Variants in TENM3 observed in about 807,000 individuals in gnomAD.
The protein encoded by TENM3 is teneurin transmembrane protein 3.
A neutral mutation model predicts 255.1 loss-of-function variants in TENM3; 63 were observed. That is an observed-to-expected ratio of 0.25 (90% CI 0.20 to 0.30). TENM3 has a LOEUF of 0.30. Among genes scored for constraint, TENM3 ranks in the 10% least tolerant of loss-of-function variants. The pLI is 1.00. For synonymous variants in TENM3, 1,306 were observed against 1,322.3 expected (o/e 0.99, Z 0.27); for missense variants, 2,929 against 3,461.1 (o/e 0.85, Z 3.86).
intron 3 of TENM3, among the ~76,000 whole-genome samples, chr4:182,561,203 T>A (rs1213953934): frequency 6.6e-6 from 1 of 152,026 alleles, no homozygotes; most frequent in African/African-American, 2.4e-5. Flanking sequence ...TTGGATTGGA[T>A]GATGTTTGTA....
intron 3 of TENM3, among the ~76,000 whole-genome samples, chr4:182,464,188 G>A (rs1426011323): frequency 1.3e-5 from 2 of 152,096 alleles, no homozygotes; most frequent in African/African-American, 4.8e-5. Context: ...TCTACAATAT[G>A]AACTATTCAG....
At chr4:182,326,367 G>A (rs1763410689) in intron 2 of TENM3, among the ~76,000 whole-genome samples, 1 of 152,104 alleles carries the variant, frequency 6.6e-6, no homozygotes, top group African/African-American at 2.4e-5. Flanking sequence ...GTTTGGAGAG[G>A]CTGGAGACCC....
intron 3 of TENM3, among the ~76,000 whole-genome samples, chr4:182,568,966 G>C (rs1416252410): frequency 2.0e-5 from 3 of 152,196 alleles, no homozygotes; most frequent in African/African-American, 7.2e-5. Context: ...AGATGTCAGA[G>C]AGTGGTTGCC....
the TENM3 span, among the ~76,000 whole-genome samples, chr4:181,712,095 A>T: frequency 6.6e-6 from 1 of 152,006 alleles, no homozygotes; most frequent in Non-Finnish European, 1.5e-5. Flanking sequence ...TCTCTTTCTC[A>T]CTCCTCCCCA....
Position 182,161,959 on chromosome 4 carries a change from G to GTGTATA in TENM3, c.-76+17206_-76+17207insGTATAT, listed in dbSNP as rs1343876481. 4.3e-4 allele frequency among the ~76,000 whole-genome samples: 7 copies of GTGTATA among 16,282 alleles called. 2 individuals carry two copies. Among genetic ancestry groups the GTGTATA allele is most frequent in the Admixed American group, 8.2e-4 (1 of 1,224 alleles). The allele number at this position is 16,282 out of a possible 152,430, so 10.7% of individuals were successfully genotyped here. On this transcript the variant is annotated intron_variant, in intron 1 of 2. Transcript: ENST00000512480. ...CATATATATATTTGTGTGTGTGTGT[G>GTGTATA]TATATATATATATATATATATATAT... is the stretch of plus-strand genomic sequence containing the variant.
chr4:182,526,977 T>A (rs1580835563), intron 3 of TENM3, among the ~76,000 whole-genome samples: 1 of 98,452 alleles, frequency 1.0e-5, no homozygotes, highest in African/African-American at 8.4e-5. Context: ...AGTTCTTTAA[T>A]TTTTTTTTTT....
chr4:182,436,233 T>C (rs1473476770), intron 3 of TENM3, among the ~76,000 whole-genome samples: 2 of 152,108 alleles, frequency 1.3e-5, no homozygotes, highest in African/African-American at 4.8e-5. Flanking sequence ...CACTAATAAG[T>C]AAGGGAGATG....
chr4:182,197,039 A>C (rs184537617), intron 1 of TENM3, among the ~76,000 whole-genome samples: 28 of 152,226 alleles, frequency 1.8e-4, no homozygotes, highest in Admixed American at 1.7e-3. Flanking sequence ...TTGCTGTTGC[A>C]TTTCATGTCA....
At chr4:181,930,651 TC>T in the TENM3 span, among the ~76,000 whole-genome samples, 7 of 152,126 alleles carry the variant, frequency 4.6e-5, no homozygotes, top group Admixed American at 4.6e-4. Flanking sequence ...AAGAGACTCC[TC>T]CCTAACTCAT....
intron 3 of TENM3, among the ~76,000 whole-genome samples, chr4:182,358,154 T>G (rs1765696795): frequency 2.0e-5 from 3 of 151,988 alleles, no homozygotes; most frequent in African/African-American, 7.2e-5. Flanking sequence ...GGTAGCGTGA[T>G]GCCTCCAGCT....
chr4:182,176,951 A>G (rs1422484831), intron 1 of TENM3, among the ~76,000 whole-genome samples: 1 of 151,136 alleles, frequency 6.6e-6, no homozygotes, highest in Non-Finnish European at 1.5e-5. Flanking sequence ...CTGGAATTAC[A>G]GGCATGAGCC....
intron 22 of TENM3, among the ~76,000 whole-genome samples, chr4:182,757,311 CAAAAAAAAA>C (rs10571604): frequency 1.7e-4 from 9 of 53,618 alleles, no homozygotes; most frequent in African/African-American, 7.0e-4. Context: ...GACTCCGTCT[CAAAAAAAAA>C]AAAAAAAAAA....
chr4:181,939,201 T>C, the TENM3 span, among the ~76,000 whole-genome samples: 53,601 of 152,094 alleles, frequency 0.35, 10,624 homozygotes, highest in Admixed American at 0.49. Context: ...TATTGTTCTA[T>C]ACACTTTCTA....
the TENM3 span, among the ~76,000 whole-genome samples, chr4:181,626,776 G>C: frequency 6.6e-6 from 1 of 152,170 alleles, no homozygotes; most frequent in Non-Finnish European, 1.5e-5. Context: ...AACCATATCA[G>C]GGGCCATTCA....
At chr4:182,025,020 A>ATTTTTTTTTTTTTTTTTTTTTTTT in the TENM3 span, among the ~76,000 whole-genome samples, 1 of 121,144 alleles carries the variant, frequency 8.3e-6, no homozygotes, top group African/African-American at 3.4e-5. Flanking sequence ...ACAGGATTTC[A>ATTTTTTTTTTTTTTTTTTTTTTTT]TTTTTTTTTT....
chr4:182,180,953 C>CT (rs1273350060), intron 1 of TENM3, among the ~76,000 whole-genome samples: 3 of 151,726 alleles, frequency 2.0e-5, no homozygotes, highest in Non-Finnish European at 4.4e-5. Flanking sequence ...ATATTTCTGG[C>CT]TGTCACCTGA....
At chr4:182,071,507 G>A in the TENM3 span, among the ~76,000 whole-genome samples, 42 of 148,346 alleles carry the variant, frequency 2.8e-4, no homozygotes, top group South Asian at 4.1e-3. Flanking sequence ...GTGCAGTGGC[G>A]CGATCTCGGC....
At chr4:182,383,902 G>A (rs958142804) in intron 3 of TENM3, among the ~76,000 whole-genome samples, 1 of 152,166 alleles carries the variant, frequency 6.6e-6, no homozygotes, top group Non-Finnish European at 1.5e-5. Flanking sequence ...CCCTAAGAAT[G>A]GATACATCAA....
chr4:181,801,978 C>A, the TENM3 span, among the ~76,000 whole-genome samples: 40 of 151,920 alleles, frequency 2.6e-4, no homozygotes, highest in Admixed American at 1.4e-3. Flanking sequence ...TAAAATGTAC[C>A]TTCTATTGTA....
Sources: allele counts gnomAD v4.1 joint callset (sites outside exome capture counted in the v4.1 genomes callset), GRCh38; gene constraint gnomAD v4.1.1; transcripts MANE v1.5; gene names NCBI Gene and HGNC (gene_info 2026-07-23, HGNC 2026-07-21).